SLC25A21: variants seen among roughly 807,000 people sequenced by gnomAD.
SLC25A21 encodes mitochondrial 2-oxodicarboxylate carrier.
Under a neutral mutation model 43.8 loss-of-function variants are expected in SLC25A21, and 47 were observed. The observed-to-expected ratio is 1.07, with a 90% CI of 0.85 to 1.37. The LOEUF (loss-of-function observed/expected upper bound fraction) is 1.37. SLC25A21 is among the 40% of genes most tolerant of loss of function. The pLI, the probability that SLC25A21 is intolerant of heterozygous loss-of-function variation, is 0.00. For missense variants in SLC25A21, 352 were observed against 350.2 expected (o/e 1.00, Z -0.04); for synonymous variants, 131 against 121.3 (o/e 1.08, Z -0.52).
intron 1 of SLC25A21, among the ~76,000 whole-genome samples, chr14:36,875,906 T>C (rs1433009905): frequency 6.6e-6 from 1 of 152,170 alleles, no homozygotes; most frequent in East Asian, 1.9e-4. Flanking sequence ...TAAAAATAAT[T>C]ATAGTAGTCA....
chr14:36,682,170 CTT>C lies in SLC25A21; in HGVS notation c.839-1453_839-1452del, dbSNP rs60676379. On this transcript the variant is annotated intron_variant, in intron 9 of 9. Transcript: ENST00000331299. ...TTTTTTTTACTGTCTCTCTCTCATT[CTT>C]TTTTTTTTTCTCTCTCTCTCATTCT... 5.4e-3 allele frequency among the ~76,000 whole-genome samples: 801 copies of C among 147,886 alleles called. 3 individuals are homozygous for C. Among genetic ancestry groups the C allele is most frequent in the African/African-American group, 0.018 (748 of 40,590 alleles).
At chr14:36,774,699 G>C (rs1886757608) in intron 3 of SLC25A21, among the ~76,000 whole-genome samples, 1 of 152,052 alleles carries the variant, frequency 6.6e-6, no homozygotes, top group Admixed American at 6.6e-5. Flanking sequence ...CTGAGTAGCT[G>C]GGATGACAGG....
At chr14:37,150,085 T>C (rs2138932745) in intron 1 of SLC25A21, among the ~76,000 whole-genome samples, 1 of 152,270 alleles carries the variant, frequency 6.6e-6, no homozygotes, top group Admixed American at 6.5e-5. Context: ...ACCCAATTTC[T>C]TATGTTAAAG....
At chr14:37,088,911 CCA>C (rs1962532727) in intron 1 of SLC25A21, among the ~76,000 whole-genome samples, 1 of 152,128 alleles carries the variant, frequency 6.6e-6, no homozygotes, top group Admixed American at 6.5e-5. Flanking sequence ...AAGTTCAGAA[CCA>C]CACAGAATTT....
At chr14:37,087,470 C>A (rs928453061) in intron 1 of SLC25A21, among the ~76,000 whole-genome samples, 2 of 152,154 alleles carry the variant, frequency 1.3e-5, no homozygotes. Context: ...GGAGCTGGTA[C>A]CATTCTGCAG....
At position 36,874,812 on chromosome 14, in the gene SLC25A21, A is replaced by G. The variant is rs1013716784; in HGVS notation, c.119+144T>C. The stretch of plus-strand genomic sequence containing the variant: ...TCACTGTTCACATTTTATCTGTCAA[A>G]TAGTACTTTCTTTAGAAGCAAATAT... On this transcript the variant is annotated intron_variant, in intron 2 of 9. Coordinates refer to ENST00000331299, the MANE Select transcript of SLC25A21 (RefSeq NM_030631.4). The G allele has an allele frequency of 4.1e-5, 23 of 559,262 alleles. No individual in the cohort carries two copies. The East Asian group carries it at 7.0e-4, about 17-fold the overall frequency. The allele number at this position is 559,262 out of a possible 1,614,324, so 34.6% of individuals were successfully genotyped here.
rs1555336818 is a variant in SLC25A21, at chr14:36,919,649, A to ATCTATCTATCTG, written c.71-44646_71-44645insCAGATAGATAGA. Among the ~76,000 whole-genome samples the ATCTATCTATCTG allele has an allele frequency of 1.5e-3, 224 of 149,740 alleles. 3 individuals carry two copies. Among genetic ancestry groups the ATCTATCTATCTG allele is most frequent in the African/African-American group, 5.4e-3 (212 of 39,494 alleles). ...TATCTATCTATCTATCTATCTATCTATCTATCTATCTATCTATCTCTATTT... is the reference window on the plus strand; with the variant it reads ...TATCTATCTATCTATCTATCTATCTATCTATCTATCTGTCTATCTATCTATCTATCTCTATTT... On this transcript the variant is annotated intron_variant, in intron 1 of 9. Coordinates refer to ENST00000331299, the MANE Select transcript of SLC25A21 (RefSeq NM_030631.4).
intron 1 of SLC25A21, among the ~76,000 whole-genome samples, chr14:36,919,103 G>T (rs189143138): frequency 6.6e-6 from 1 of 151,654 alleles, no homozygotes; most frequent in Non-Finnish European, 1.5e-5. Context: ...ATGAATGAAT[G>T]AATGAATGAA....
chr14:37,030,289 C>A (rs1961183273), intron 1 of SLC25A21, among the ~76,000 whole-genome samples: 1 of 152,060 alleles, frequency 6.6e-6, no homozygotes, highest in Non-Finnish European at 1.5e-5. Context: ...GTTGGTCTTG[C>A]TGTCTCTGGG....
chr14:36,825,026 T>C (rs1888774736), intron 2 of SLC25A21, among the ~76,000 whole-genome samples: 1 of 152,164 alleles, frequency 6.6e-6, no homozygotes, highest in Non-Finnish European at 1.5e-5. Context: ...CAGGTCTGTT[T>C]GGAGAGCAAA....
chr14:37,163,165 T>C (rs1168739972), intron 1 of SLC25A21, among the ~76,000 whole-genome samples: 3 of 151,764 alleles, frequency 2.0e-5, no homozygotes, highest in Non-Finnish European at 4.4e-5. Context: ...GGGGGAGGGA[T>C]AGCATTAGGA....
intron 1 of SLC25A21, among the ~76,000 whole-genome samples, chr14:36,933,063 G>T (rs977693709): frequency 1.3e-5 from 2 of 152,096 alleles, no homozygotes; most frequent in Non-Finnish European, 2.9e-5. Context: ...TTAATGGAAG[G>T]TTAAATCCCA....
At chr14:36,948,080 T>C (rs1892717671) in intron 1 of SLC25A21, among the ~76,000 whole-genome samples, 3 of 152,170 alleles carry the variant, frequency 2.0e-5, no homozygotes, top group African/African-American at 4.8e-5. Flanking sequence ...GATAGAAGCG[T>C]GCACACATCA....
At chr14:36,833,687 A>G (rs1188636511) in intron 2 of SLC25A21, among the ~76,000 whole-genome samples, 1 of 152,188 alleles carries the variant, frequency 6.6e-6, no homozygotes, top group Non-Finnish European at 1.5e-5. Context: ...GGGACAGGTT[A>G]TGTCCCACCA....
At chr14:36,777,374 G>C (rs1050968774) in intron 3 of SLC25A21, among the ~76,000 whole-genome samples, 1 of 152,166 alleles carries the variant, frequency 6.6e-6, no homozygotes, top group South Asian at 2.1e-4. Context: ...TAATGAGTTG[G>C]ATAGTGGCCC....
chr14:36,897,409 G>C (rs902480034), intron 1 of SLC25A21, among the ~76,000 whole-genome samples: 1 of 152,028 alleles, frequency 6.6e-6, no homozygotes, highest in Non-Finnish European at 1.5e-5. Flanking sequence ...GGACTTCTCT[G>C]CATTGGTTAT....
chr14:36,890,824 A>G (rs556932123), intron 1 of SLC25A21, among the ~76,000 whole-genome samples: 2 of 152,200 alleles, frequency 1.3e-5, no homozygotes, highest in African/African-American at 4.8e-5. Flanking sequence ...TGATTTAACA[A>G]CTGTTTAAGT....
intron 7 of SLC25A21, among the ~76,000 whole-genome samples, chr14:36,699,953 C>A (rs943831199): frequency 1.3e-5 from 2 of 152,182 alleles, no homozygotes; most frequent in African/African-American, 4.8e-5. Flanking sequence ...GTGGGCTGCA[C>A]CCACTGTCCA....
At chr14:37,017,140 T>G (rs746527545) in intron 1 of SLC25A21, among the ~76,000 whole-genome samples, 1 of 152,116 alleles carries the variant, frequency 6.6e-6, no homozygotes, top group African/African-American at 2.4e-5. Context: ...AACTGTTTAG[T>G]GCAAGAGGCC....
Sources: gnomAD v4.1 joint callset for allele counts (sites outside exome capture counted in the v4.1 genomes callset) on GRCh38, gnomAD v4.1.1 for gene constraint, MANE v1.5 for transcripts, NCBI Gene and HGNC (gene_info 2026-07-23, HGNC 2026-07-21) for gene names.